Variants in HLCS observed in about 807,000 individuals in gnomAD.
HLCS encodes the protein biotin--protein ligase.
In HLCS, 53 loss-of-function variants were observed where a neutral mutation model predicts 75.0. The observed-to-expected ratio is 0.71, with a 90% confidence interval of 0.57 to 0.89. The LOEUF (loss-of-function observed/expected upper bound fraction) is 0.89, where lower values mean the gene tolerates loss of function less well. HLCS is among the 40% of genes least tolerant of loss of function. HLCS has a pLI of 0.00. For synonymous variants in HLCS, 431 were observed against 428.6 expected (o/e 1.01, Z -0.07); for missense variants, 966 against 1,074.0 (o/e 0.90, Z 1.41).
intron 6 of HLCS, among the ~76,000 whole-genome samples, chr21:36,789,655 GA>G (rs2060798866): frequency 6.6e-6 from 1 of 152,170 alleles, no homozygotes; most frequent in Non-Finnish European, 1.5e-5. Flanking sequence ...CGACAGTCTG[GA>G]AAACAGAAAC....
intron 6 of HLCS, among the ~76,000 whole-genome samples, chr21:36,832,682 C>T (rs2062254445): frequency 6.6e-6 from 1 of 152,210 alleles, no homozygotes; most frequent in Non-Finnish European, 1.5e-5. Flanking sequence ...TCAGCTCTGA[C>T]ATGGGAGGCC....
chr21:36,832,439 C>A (rs1259582680), intron 6 of HLCS, among the ~76,000 whole-genome samples: 1 of 152,136 alleles, frequency 6.6e-6, no homozygotes, highest in Non-Finnish European at 1.5e-5. Context: ...TGGAAGGGAG[C>A]TGGTGAGCAA....
intron 6 of HLCS, among the ~76,000 whole-genome samples, chr21:36,855,801 C>T (rs769104145): frequency 6.6e-6 from 1 of 152,102 alleles, no homozygotes; most frequent in Non-Finnish European, 1.5e-5. Flanking sequence ...TGGTCTCAAA[C>T]TCTTGAGCTC....
chr21:36,964,761 A>G (rs2068479378), intron 1 of HLCS, among the ~76,000 whole-genome samples: 1 of 152,226 alleles, frequency 6.6e-6, no homozygotes, highest in Non-Finnish European at 1.5e-5. Flanking sequence ...AGTCATGAAA[A>G]TGTTCAAAAG....
intron 6 of HLCS, among the ~76,000 whole-genome samples, chr21:36,879,715 C>G (rs1347208897): frequency 6.6e-6 from 1 of 151,840 alleles, no homozygotes; most frequent in Non-Finnish European, 1.5e-5. Flanking sequence ...CAAAACCAGC[C>G]TTGGGCAAAA....
intron 6 of HLCS, among the ~76,000 whole-genome samples, chr21:36,829,438 T>C (rs1327724808): frequency 6.6e-6 from 1 of 152,198 alleles, no homozygotes; most frequent in Non-Finnish European, 1.5e-5. Flanking sequence ...TCATGACATA[T>C]AAACATAATT....
At chr21:36,957,165 G>A (rs58870626) in intron 2 of HLCS, among the ~76,000 whole-genome samples, 7,363 of 152,158 alleles carry the variant, frequency 0.048, 468 homozygotes, top group African/African-American at 0.15. Flanking sequence ...TGGGGCCTGT[G>A]GGGGAAGTGT....
intron 2 of HLCS, among the ~76,000 whole-genome samples, chr21:36,957,932 A>G (rs1188812173): frequency 1.3e-5 from 2 of 149,028 alleles, no homozygotes; most frequent in Non-Finnish European, 3.0e-5. Flanking sequence ...GCGTCTCGAA[A>G]AAAAAAAAAA....
Position 36,866,661 on chromosome 21 carries a change from C to A in HLCS, c.1892+30199G>T, listed in dbSNP as rs77386678. Among the ~76,000 whole-genome samples, 661 of 152,308 alleles carry A rather than the reference C, an allele frequency of 4.3e-3. 7 individuals are homozygous for A. Among genetic ancestry groups the A allele is most frequent in the African/African-American group, 0.015 (629 of 41,574 alleles). On this transcript the variant is annotated intron_variant, in intron 6 of 10. Coordinates refer to ENST00000674895, the MANE Select transcript of HLCS (RefSeq NM_001352514.2). ...CATAAAGTCCTCAAAAGCAATCTTG[C>A]TCCATGTCAGCTGGTGCTAAATCAA...
Position 36,966,653 on chromosome 21 carries a change from C to G in HLCS, c.-15G>C. On this transcript the variant is annotated 5_prime_UTR_variant, in exon 1 of 11. Coordinates refer to ENST00000674895, the MANE Select transcript of HLCS (RefSeq NM_001352514.2). ...GTGATGAGCATGGCCGCGCCGCCGG[C>G]AGGGCGAGCCCGCCTTGCCCGCCCG... 1 of 978,654 alleles carries G rather than the reference C, an allele frequency of 1.0e-6. No individual in the cohort carries two copies. Among genetic ancestry groups the G allele is most frequent in the Non-Finnish European group, 1.2e-6 (1 of 826,152 alleles). The allele number at this position is 978,654 out of a possible 1,614,324, so 60.6% of individuals were successfully genotyped here.
At chr21:36,979,041 G>A (rs554376933) in intron 1 of HLCS, among the ~76,000 whole-genome samples, 5 of 152,100 alleles carry the variant, frequency 3.3e-5, no homozygotes, top group South Asian at 2.1e-4. Flanking sequence ...AGGCTGAGGC[G>A]GGCAGATCAT....
At chr21:36,793,903 G>C (rs1226948803) in intron 6 of HLCS, among the ~76,000 whole-genome samples, 1 of 152,164 alleles carries the variant, frequency 6.6e-6, no homozygotes, top group African/African-American at 2.4e-5. Flanking sequence ...TCATGAAGAT[G>C]CTGCTTCAGT....
At chr21:36,896,148 G>A (rs764018601) in intron 6 of HLCS, among the ~76,000 whole-genome samples, 7 of 152,158 alleles carry the variant, frequency 4.6e-5, no homozygotes, top group East Asian at 1.9e-4. Context: ...CCAGGAGTTC[G>A]AGGCCAGCCT....
At chr21:36,950,143 T>G (rs1339440468) in intron 2 of HLCS, among the ~76,000 whole-genome samples, 1 of 151,778 alleles carries the variant, frequency 6.6e-6, no homozygotes, top group Non-Finnish European at 1.5e-5. Context: ...GCCTGAATTG[T>G]GACCTTCCTA....
chr21:36,754,491 T>A (rs2089482674), intron 10 of HLCS, 74 bp from the exon 11 acceptor site: 2 of 1,490,566 alleles, frequency 1.3e-6, no homozygotes, highest in Admixed American at 3.7e-5. Context: ...TGAAGAATAA[T>A]CCATGATGAG....
intron 6 of HLCS, among the ~76,000 whole-genome samples, chr21:36,837,323 T>G (rs1211126438): frequency 6.6e-6 from 1 of 152,264 alleles, no homozygotes; most frequent in Non-Finnish European, 1.5e-5. Context: ...TGCTATACTG[T>G]AAAGTTTTAA....
intron 2 of HLCS, among the ~76,000 whole-genome samples, chr21:36,951,475 G>C (rs1211590854): frequency 1.3e-5 from 2 of 152,152 alleles, no homozygotes; most frequent in Non-Finnish European, 2.9e-5. Flanking sequence ...ACGCATCTAA[G>C]TAGGTCCCCC....
chr21:36,880,230 G>T (rs1253717370), intron 6 of HLCS, among the ~76,000 whole-genome samples: 1 of 152,132 alleles, frequency 6.6e-6, no homozygotes, highest in African/African-American at 2.4e-5. Context: ...TATCTCCACT[G>T]CCTGGAACAA....
chr21:36,835,061 A>C (rs1414937541), intron 6 of HLCS, among the ~76,000 whole-genome samples: 1 of 152,084 alleles, frequency 6.6e-6, no homozygotes. Context: ...GCCTCATCTC[A>C]CCCATTCCCC....
Sources: gnomAD v4.1 joint callset for allele counts (sites outside exome capture counted in the v4.1 genomes callset) on GRCh38, gnomAD v4.1.1 for gene constraint, MANE v1.5 for transcripts, NCBI Gene and HGNC (gene_info 2026-07-23, HGNC 2026-07-21) for gene names.